MYO18B: variants seen among roughly 807,000 people sequenced by gnomAD.
MYO18B encodes unconventional myosin-XVIIIb.
Under a neutral mutation model 273.0 loss-of-function variants are expected in MYO18B, and 204 were observed. The observed-to-expected ratio is 0.75, with a 90% CI of 0.67 to 0.84. The LOEUF (loss-of-function observed/expected upper bound fraction) is 0.84, where lower values mean the gene tolerates loss of function less well. Among genes scored for constraint, MYO18B ranks in the 40% least tolerant of loss-of-function variants. MYO18B has a pLI of 0.00. For synonymous variants in MYO18B, 1,330 were observed against 1,305.7 expected, an observed-to-expected ratio of 1.02 and a Z score of -0.40; for missense variants, 3,212 against 3,287.6, an observed-to-expected ratio of 0.98 and a Z score of 0.56.
chr22:25,929,537 A>G, intron 34 of MYO18B, among the ~76,000 whole-genome samples: 1 of 152,188 alleles, frequency 6.6e-6, no homozygotes, highest in East Asian at 1.9e-4. Context: ...CCAGGGCAGC[A>G]GTTGCTTTTT....
intron 28 of MYO18B, chr22:25,896,638 A>T (rs1159324300): frequency 6.6e-6 from 1 of 152,144 alleles, no homozygotes; most frequent in Non-Finnish European, 1.5e-5. Context: ...TAGCCTTTCT[A>T]GATGAATGTA....
intron 34 of MYO18B, among the ~76,000 whole-genome samples, chr22:25,944,960 C>T (rs1156556431): frequency 6.6e-6 from 1 of 151,886 alleles, no homozygotes; most frequent in Non-Finnish European, 1.5e-5. Flanking sequence ...GTGTCTGTCA[C>T]CTGGGGCCAC....
At chr22:26,038,340 A>G in the MYO18B span, among the ~76,000 whole-genome samples, 1 of 152,280 alleles carries the variant, frequency 6.6e-6, no homozygotes, top group Middle Eastern at 3.4e-3. Context: ...GGCGAGCTGT[A>G]TGGGTGGGCA....
chr22:26,026,366 C>T, intron 42 of MYO18B, 79 bp from the exon 43 acceptor site: 1 of 1,475,982 alleles, frequency 6.8e-7, no homozygotes, highest in Non-Finnish European at 9.1e-7. Flanking sequence ...AGTGCCTGTG[C>T]TTAGGGGCTC....
At chr22:25,984,904 T>G (rs6004869) in intron 39 of MYO18B, among the ~76,000 whole-genome samples, 99,867 of 152,004 alleles carry the variant, frequency 0.66, 34,965 homozygotes, top group African/African-American at 0.88. Context: ...TGAGTTGAGA[T>G]AATGGATTCT....
intron 28 of MYO18B, chr22:25,896,696 C>T (rs1236475480): frequency 6.7e-6 from 1 of 150,374 alleles, no homozygotes; most frequent in South Asian, 2.1e-4. Flanking sequence ...CCAACTATCC[C>T]TCGTCTACAT....
rs1168407467 is a variant in MYO18B at position 25,785,439 on chromosome 22, A to G, written c.2324A>G (p.Asn775Ser). 1 of 1,610,584 alleles carries G rather than the reference A, an allele frequency of 6.2e-7. No individual in the cohort carries two copies. Among genetic ancestry groups the G allele is most frequent in the South Asian group, 1.1e-5 (1 of 89,978 alleles). Residue 775 changes from asparagine (N) to serine (S), a missense_variant, in exon 11 of 44, where the codon AAC (asparagine) becomes AGC (serine). Coordinates refer to ENST00000335473, the MANE Select transcript of MYO18B (RefSeq NM_032608.7). ...GLDLDLRTEL[N>S]LHQMADSSSF... ...TTCTGTGCTTCCAGGACGGAGCTGA[A>G]CCTGCACCAGATGGCAGATAGCAGC...
At chr22:25,784,986 C>T (rs1392466028) in intron 10 of MYO18B, among the ~76,000 whole-genome samples, 2 of 152,182 alleles carry the variant, frequency 1.3e-5, no homozygotes, top group Non-Finnish European at 2.9e-5. Flanking sequence ...GGGGCAGGTA[C>T]CCACTCTCAG....
At chr22:25,767,556 A>T (rs941255172) in intron 3 of MYO18B, among the ~76,000 whole-genome samples, 2 of 152,230 alleles carry the variant, frequency 1.3e-5, no homozygotes, top group African/African-American at 4.8e-5. Flanking sequence ...CCAGATAGAC[A>T]TAGAAGGAAG....
intron 39 of MYO18B, among the ~76,000 whole-genome samples, chr22:25,970,148 T>C (rs566554182): frequency 4.2e-4 from 64 of 152,118 alleles, no homozygotes; most frequent in African/African-American, 1.5e-3. Flanking sequence ...ATCACCACCA[T>C]CATTATCATC....
the MYO18B span, among the ~76,000 whole-genome samples, chr22:26,053,884 G>T: frequency 6.6e-6 from 1 of 152,094 alleles, no homozygotes; most frequent in Non-Finnish European, 1.5e-5. Context: ...ATCTTTGATG[G>T]GTTCTGAGTA....
chr22:25,890,349 C>T (rs1299193007), intron 25 of MYO18B, among the ~76,000 whole-genome samples: 3 of 152,210 alleles, frequency 2.0e-5, no homozygotes, highest in African/African-American at 7.2e-5. Context: ...AGTGTTGGTA[C>T]ATCCAGTGAG....
At position 26,016,893 on chromosome 22, in the gene MYO18B, A is replaced by G. The variant is rs893826556; in HGVS notation, c.6471-9552A>G. ...GGGGGAAGCTACAGTTGGGCTGAAC[A>G]TTAAAGGGTGAGTGAAAATGTTTGT... On this transcript the variant is annotated intron_variant, in intron 42 of 43. Coordinates refer to ENST00000335473, the MANE Select transcript of MYO18B (RefSeq NM_032608.7). 2.6e-5 allele frequency among the ~76,000 whole-genome samples: 4 copies of G among 152,374 alleles called. No individual in the cohort carries two copies. The East Asian group carries it at 7.7e-4, about 29-fold the overall frequency.
rs2086600974 is a variant in MYO18B at position 25,768,685 on chromosome 22, G to T, written c.769G>T (p.Glu257Ter). ...TPKTTELKEA[E>*]PQGKDRQGTR... ...CAAGACCACAGAGCTGAAAGAGGCT[G>T]AGCCCCAGGGCAAAGACAGGCAGGG... The change falls in exon 4 of 44, where the codon GAG becomes TAG. Residue 257 changes from glutamate to a stop codon, truncating the protein, a stop_gained. Coordinates refer to ENST00000335473, the MANE Select transcript of MYO18B (RefSeq NM_032608.7). LOFTEE classifies it high-confidence loss of function. The T allele has an allele frequency of 6.4e-7, 1 of 1,559,246 alleles. No homozygotes were observed. The highest frequency in any genetic ancestry group is 1.4e-5 in the African/African-American group (1 of 73,222).
intron 21 of MYO18B, among the ~76,000 whole-genome samples, chr22:25,861,803 T>C (rs1464062118): frequency 6.6e-6 from 1 of 152,204 alleles, no homozygotes; most frequent in African/African-American, 2.4e-5. Flanking sequence ...GTTTACAATA[T>C]GTATTGTAAT....
chr22:25,885,762 T>C (rs901377895), intron 25 of MYO18B, among the ~76,000 whole-genome samples: 3 of 152,174 alleles, frequency 2.0e-5, no homozygotes, highest in Non-Finnish European at 4.4e-5. Context: ...GCTGAAACAC[T>C]TGGGGGGCCC....
At chr22:25,863,714 C>G (rs1011947609) in intron 21 of MYO18B, among the ~76,000 whole-genome samples, 32 of 152,306 alleles carry the variant, frequency 2.1e-4, no homozygotes, top group African/African-American at 7.7e-4. Flanking sequence ...ACTCAGCATT[C>G]AGGCAGTTCC....
At chr22:25,887,063 G>A (rs950238971) in intron 25 of MYO18B, among the ~76,000 whole-genome samples, 4 of 152,218 alleles carry the variant, frequency 2.6e-5, no homozygotes, top group African/African-American at 7.2e-5. Context: ...TATGGGAGGA[G>A]AGCAAAAAGT....
rs1270586045 is a variant in MYO18B, at chr22:25,826,484, TCTCA to T, written c.2776_2779del (p.Leu926SerfsTer113). 6.2e-7 allele frequency: 1 copy of T among 1,613,582 alleles called. No individual in the cohort carries two copies. Among genetic ancestry groups the T allele is most frequent in the African/African-American group, 1.3e-5 (1 of 74,934 alleles). Reference sequence around the variant, plus strand: ...TACCAGGAACTCTTTGCGGCTGTGGTCTCACTCATCAACAGGTAACGGGGCCTTT... The same window carrying T: ...TACCAGGAACTCTTTGCGGCTGTGGTCTCATCAACAGGTAACGGGGCCTTT... On this transcript the variant is annotated frameshift_variant, in exon 14 of 44. Transcript: ENST00000335473. LOFTEE classifies it high-confidence loss of function.
Sources: gnomAD v4.1 joint callset for allele counts (sites outside exome capture counted in the v4.1 genomes callset) on GRCh38, gnomAD v4.1.1 for gene constraint, MANE v1.5 for transcripts, NCBI Gene and HGNC (gene_info 2026-07-23, HGNC 2026-07-21) for gene names.